ANO10: variants seen among roughly 807,000 people sequenced by gnomAD.
ANO10 encodes anoctamin-10.
A neutral mutation model predicts 74.7 loss-of-function variants in ANO10; 77 were observed. The ratio of observed to expected loss-of-function variants is 1.03; its 90% CI spans 0.86 to 1.25. The LOEUF (loss-of-function observed/expected upper bound fraction) is 1.25. Ranked by LOEUF, ANO10 falls within the 50% of genes most tolerant of loss-of-function variation. The pLI, the probability that ANO10 is intolerant of heterozygous loss-of-function variation, is 0.00. For missense variants in ANO10, 721 were observed against 778.1 expected, an observed-to-expected ratio of 0.93 and a Z score of 0.87; for synonymous variants, 279 against 284.9, an observed-to-expected ratio of 0.98 and a Z score of 0.21.
At chr3:43,471,272 A>T (rs961492106) in intron 11 of ANO10, among the ~76,000 whole-genome samples, 7 of 152,368 alleles carry the variant, frequency 4.6e-5, no homozygotes, top group African/African-American at 1.7e-4. Context: ...TAGGAAAAAA[A>T]TCAAGTATAA....
At chr3:43,554,783 GT>G (rs992257376) in intron 10 of ANO10, among the ~76,000 whole-genome samples, 3 of 152,134 alleles carry the variant, frequency 2.0e-5, no homozygotes, top group African/African-American at 7.2e-5. Flanking sequence ...CCTCATATAT[GT>G]TCCCATGTGG....
chr3:43,377,117 T>G (rs2091831074), intron 12 of ANO10, among the ~76,000 whole-genome samples: 1 of 152,218 alleles, frequency 6.6e-6, no homozygotes, highest in African/African-American at 2.4e-5. Flanking sequence ...GGTTTCACTC[T>G]GTCACCTAGG....
At chr3:43,454,796 C>A (rs188652773) in intron 11 of ANO10, among the ~76,000 whole-genome samples, 77 of 152,096 alleles carry the variant, frequency 5.1e-4, no homozygotes, top group Non-Finnish European at 4.9e-4. Flanking sequence ...AGAAGAAGAA[C>A]TGGAGACAGT....
intron 9 of ANO10, among the ~76,000 whole-genome samples, chr3:43,560,092 G>A (rs2079954344): frequency 6.6e-6 from 1 of 152,214 alleles, no homozygotes; most frequent in Admixed American, 6.5e-5. Flanking sequence ...ACTGGAGCCA[G>A]GCTTGCTGAG....
chr3:43,481,927 C>CTTTTTTTTTTTTT (rs1161910647), intron 11 of ANO10, among the ~76,000 whole-genome samples: 2 of 123,846 alleles, frequency 1.6e-5, no homozygotes, highest in African/African-American at 3.0e-5. Flanking sequence ...CTTTTTTTTT[C>CTTTTTTTTTTTTT]TTTTTTTTTT....
intron 11 of ANO10, among the ~76,000 whole-genome samples, chr3:43,499,628 C>T (rs1008474615): frequency 3.3e-5 from 5 of 150,758 alleles, no homozygotes; most frequent in African/African-American, 7.3e-5. Flanking sequence ...TGTAAGACAC[C>T]GTAAGACACA....
chr3:43,432,356 T>A (rs1178001763), intron 12 of ANO10, among the ~76,000 whole-genome samples: 1 of 152,230 alleles, frequency 6.6e-6, no homozygotes, highest in East Asian at 1.9e-4. Flanking sequence ...TCTTGTTCTT[T>A]TGCTGAATGC....
At chr3:43,582,524 C>G (rs1024227473) in intron 4 of ANO10, among the ~76,000 whole-genome samples, 2 of 151,844 alleles carry the variant, frequency 1.3e-5, no homozygotes, top group African/African-American at 4.8e-5. Context: ...AGGTCCCCAT[C>G]ATAAAATCTT....
intron 1 of ANO10, among the ~76,000 whole-genome samples, chr3:43,679,565 C>A (rs940966064): frequency 6.6e-6 from 1 of 152,222 alleles, no homozygotes; most frequent in African/African-American, 2.4e-5. Context: ...ACTTAAATGT[C>A]CCTGTCTGAC....
At chr3:43,593,015 T>G (rs2081877612) in intron 4 of ANO10, among the ~76,000 whole-genome samples, 1 of 152,060 alleles carries the variant, frequency 6.6e-6, no homozygotes, top group Non-Finnish European at 1.5e-5. Flanking sequence ...TATCAGTGAT[T>G]GAAGATCAAA....
chr3:43,552,736 ATG>A (rs2079542492), intron 10 of ANO10, among the ~76,000 whole-genome samples: 1 of 143,760 alleles, frequency 7.0e-6, no homozygotes, highest in Non-Finnish European at 1.5e-5. Context: ...ATATGTATGT[ATG>A]TATGTATGTA....
chr3:43,374,734 T>C (rs978130268), intron 12 of ANO10, among the ~76,000 whole-genome samples: 4 of 152,260 alleles, frequency 2.6e-5, no homozygotes, highest in African/African-American at 9.6e-5. Flanking sequence ...GCTAAATCTC[T>C]GAAACCATGG....
intron 11 of ANO10, among the ~76,000 whole-genome samples, chr3:43,487,560 C>A (rs1268848293): frequency 3.9e-5 from 6 of 152,004 alleles, no homozygotes; most frequent in Non-Finnish European, 7.4e-5. Context: ...GGAATTTATC[C>A]ATTTCTTCTA....
chr3:43,381,038 A>G (rs2091946867), intron 12 of ANO10, among the ~76,000 whole-genome samples: 1 of 152,174 alleles, frequency 6.6e-6, no homozygotes, highest in Admixed American at 6.5e-5. Context: ...AAAGGGGTAC[A>G]AGCCCCTTAT....
At chr3:43,575,275 A>C (rs560057412) in intron 6 of ANO10, among the ~76,000 whole-genome samples, 6 of 152,348 alleles carry the variant, frequency 3.9e-5, no homozygotes, top group Middle Eastern at 3.4e-3. Flanking sequence ...ACAAGGGTTA[A>C]CTTGAAAGGA....
chr3:43,580,982 T>C (rs2081239648), intron 4 of ANO10, among the ~76,000 whole-genome samples: 2 of 152,202 alleles, frequency 1.3e-5, no homozygotes, highest in Admixed American at 1.3e-4. Flanking sequence ...ATTCAACTAA[T>C]CTTCTATTTA....
intron 7 of ANO10, among the ~76,000 whole-genome samples, chr3:43,571,642 A>G (rs1350817952): frequency 6.6e-6 from 1 of 150,952 alleles, no homozygotes; most frequent in Non-Finnish European, 1.5e-5. Flanking sequence ...CAATGAGATC[A>G]CATGGACACA....
intron 11 of ANO10, among the ~76,000 whole-genome samples, chr3:43,470,537 G>T (rs1335026439): frequency 6.6e-6 from 1 of 151,932 alleles, no homozygotes; most frequent in Non-Finnish European, 1.5e-5. Context: ...TAGAGACGGG[G>T]TTTCACCGTG....
chr3:43,681,528 A>G (rs2084199952), intron 1 of ANO10, among the ~76,000 whole-genome samples: 1 of 152,186 alleles, frequency 6.6e-6, no homozygotes, highest in African/African-American at 2.4e-5. Context: ...ACGAGACAGA[A>G]AGTAAACAAG....
Sources: gnomAD v4.1 joint callset for allele counts (sites outside exome capture counted in the v4.1 genomes callset) on GRCh38, gnomAD v4.1.1 for gene constraint, MANE v1.5 for transcripts, NCBI Gene and HGNC (gene_info 2026-07-23, HGNC 2026-07-21) for gene names.